PLEKHH3: variants seen among roughly 807,000 people sequenced by gnomAD.
PLEKHH3 encodes the protein pleckstrin homology domain-containing family H member 3.
PLEKHH3 carries 57 observed loss-of-function variants against 77.8 expected under a neutral mutation model. The ratio of observed to expected loss-of-function variants is 0.73; its 90% confidence interval spans 0.59 to 0.91. The LOEUF (loss-of-function observed/expected upper bound fraction) is 0.91. Ranked by LOEUF, PLEKHH3 falls within the 40% of genes least tolerant of loss-of-function variation. The pLI is 0.00. For synonymous variants in PLEKHH3, 467 were observed against 504.8 expected, an observed-to-expected ratio of 0.93 and a Z score of 1.00; for missense variants, 1,082 against 1,091.2, an observed-to-expected ratio of 0.99 and a Z score of 0.12.
intron 6 of PLEKHH3, 147 bp downstream of exon 6, chr17:42,673,029 G>T: frequency 8.5e-7 from 1 of 1,181,348 alleles, no homozygotes; most frequent in Non-Finnish European, 1.1e-6. Flanking sequence ...ACCCTGGCCA[G>T]CTTCCAGTTT....
intron 12 of PLEKHH3, 159 bp from the exon 13 acceptor site, chr17:42,668,462 CTTTT>C: frequency 1.7e-6 from 1 of 587,936 alleles, no homozygotes; most frequent in South Asian, 3.8e-5. Flanking sequence ...TCCTTCATTT[CTTTT>C]TTGTTTTTTG....
rs771700808 is a variant in PLEKHH3 at position 42,668,218 on chromosome 17, T to TG, written c.2290dup (p.Gln764ProfsTer53). ...GGGAGGGGAGGTGTCTGGCAGGTCTTGGCATGGAGGAGAAGAGCTGCTGCA... is the reference window on the plus strand; with the variant it reads ...GGGAGGGGAGGTGTCTGGCAGGTCTTGGGCATGGAGGAGAAGAGCTGCTGCA... On this transcript the variant is annotated frameshift_variant, in exon 13 of 13. Transcript: ENST00000591022. LOFTEE classifies it high-confidence loss of function. 25 of 1,557,738 alleles carry TG rather than the reference T, an allele frequency of 1.6e-5. No individual in the cohort carries two copies. The highest frequency in any genetic ancestry group is 1.7e-5 in the Non-Finnish European group (20 of 1,158,608).
intron 1 of PLEKHH3, among the ~76,000 whole-genome samples, chr17:42,675,349 C>G (rs2052799296): frequency 6.6e-6 from 1 of 152,110 alleles, no homozygotes; most frequent in South Asian, 2.1e-4. Context: ...CCGACCCTGC[C>G]CAAGCTGGAA....
In PLEKHH3 at chr17:42,676,119, A is replaced by C. The variant is rs905949435; in HGVS notation, c.162+283T>G. On this transcript the variant is annotated intron_variant, in intron 1 of 12. Transcript: ENST00000591022. The surrounding 1 kb of genome is among the most constrained non-coding windows in gnomAD (Gnocchi z 6.6). Reference sequence around the variant, plus strand: ...GGGATGGGACGCGGGCCCAGCGGGGAAGGGAGAGGCAGGGCCAGGTCGGGC... The same window carrying C: ...GGGATGGGACGCGGGCCCAGCGGGGCAGGGAGAGGCAGGGCCAGGTCGGGC... 2.4e-6 allele frequency: 3 copies of C among 1,262,846 alleles called. No homozygotes were observed. The highest frequency in any genetic ancestry group is 3.1e-5 in the African/African-American group (2 of 64,202). The allele number at this position is 1,262,846 out of a possible 1,614,324, so 78.2% of individuals were successfully genotyped here.
intron 2 of PLEKHH3, 58 bp downstream of exon 2, chr17:42,674,295 TG>T (rs2052773464): frequency 8.7e-6 from 13 of 1,499,328 alleles, no homozygotes; most frequent in Non-Finnish European, 1.2e-5. Flanking sequence ...ACAGAGAGGA[TG>T]GGGGTCCCGG....
Position 42,668,151 on chromosome 17 carries a change from G to T in PLEKHH3, c.2358C>A (p.Gly786=). 6.8e-7 allele frequency: 1 copy of T among 1,475,458 alleles called. No individual in the cohort carries two copies. The highest frequency in any genetic ancestry group is 8.9e-7 in the Non-Finnish European group (1 of 1,118,838). 91.4% of individuals were successfully genotyped at this position (1,475,458 alleles called of 1,614,324 possible). A position where few individuals can be genotyped will look rare whatever the true frequency, so the allele number is the denominator to read the frequency against. The change falls in exon 13 of 13, where the codon GGC becomes GGA. Residue 786 remains glycine (G), a synonymous_variant. Coordinates refer to ENST00000591022, the MANE Select transcript of PLEKHH3 (RefSeq NM_024927.5). ...PGLDEPQGQS[G]CLGQLQD ...CTCAGTCCTGCAGCTGCCCCAAGCA[G>T]CCAGACTGTCCCTGGGGCTCGTCCA...
In PLEKHH3 at chr17:42,668,237, T is replaced by A; in HGVS notation, c.2272A>T (p.Ser758Cys). Residue 758 changes from serine to cysteine, a missense_variant, in exon 13 of 13, where the codon AGC (serine) becomes TGC (cysteine). This residue lies in a region of PLEKHH3 where 733 missense variants were observed against 750.0 expected (regional missense o/e 0.98). Transcript: ENST00000591022. ...ANPSPERPCS[S>C]SSPPCQDLPD... ...AGGTCTTGGCATGGAGGAGAAGAGC[T>A]GCTGCAGGGCCTCTCGGGGGAGGGG... 6.4e-7 allele frequency: 1 copy of A among 1,557,428 alleles called. No homozygotes were observed. Among genetic ancestry groups the A allele is most frequent in the Non-Finnish European group, 8.6e-7 (1 of 1,158,094 alleles).
Position 42,671,075 on chromosome 17 carries a change from G to A in PLEKHH3, c.1340C>T (p.Ala447Val), listed in dbSNP as rs751695308. ...CTGGGCCCCTCGCTGCTCGTACAGC[G>A]CGAATGCGTTGCGGCTCCGGGCCAA... ...LGLARSRNAFALYEQRGAQER... is the reference protein window; with the variant it reads ...LGLARSRNAFVLYEQRGAQER... The change falls in exon 9 of 13, where the codon GCG becomes GTG. Residue 447 changes from alanine (A) to valine (V), a missense_variant. Coordinates refer to ENST00000591022, the MANE Select transcript of PLEKHH3 (RefSeq NM_024927.5). The surrounding 1 kb of genome is among the most constrained non-coding windows in gnomAD (Gnocchi z 4.7). 5.6e-6 allele frequency: 9 copies of A among 1,606,986 alleles called. No homozygotes were observed. Among genetic ancestry groups the A allele is most frequent in the African/African-American group, 1.3e-5 (1 of 74,710 alleles).
In PLEKHH3 at chr17:42,671,708, G is replaced by A. The variant is rs959889658; in HGVS notation, c.1077-150C>T. ...GAAGGCTCTTCTAAATCTCTCCCCA[G>A]TGCTTTGCATAGAGCTGAATTACTT... On this transcript the variant is annotated intron_variant, in intron 7 of 12. Transcript: ENST00000591022. This position sits in a 1 kb window ranked among gnomAD's most constrained non-coding sequence, Gnocchi z 4.7. 3 of 893,220 alleles carry A rather than the reference G, an allele frequency of 3.4e-6. No homozygotes were observed. Among genetic ancestry groups the A allele is most frequent in the African/African-American group, 1.7e-5 (1 of 59,260 alleles). 55.3% of individuals were successfully genotyped at this position (893,220 alleles called of 1,614,324 possible). A position where few individuals can be genotyped will look rare whatever the true frequency, so the allele number is the denominator to read the frequency against.
chr17:42,673,958 C>T lies in PLEKHH3; in HGVS notation c.274G>A (p.Asp92Asn), dbSNP rs761219992. The change falls in exon 3 of 13, where the codon GAC becomes AAC. Residue 92 changes from aspartate to asparagine, a missense_variant. By Grantham distance (23) the Asp-to-Asn change is conservative. Around this residue, in one of 3 missense-constraint regions of PLEKHH3, gnomAD observed 344 missense variants for 320.8 expected, o/e 1.07. Coordinates refer to ENST00000591022, the MANE Select transcript of PLEKHH3 (RefSeq NM_024927.5). The stretch of plus-strand genomic sequence containing the variant: ...CCTTTCACAACGATGTCCGGGTCGT[C>T]CTCCGGCAGCCCTTTCTCCGGGATG... ...SLIPEKGLPE[D>N]DPDIVVKGWL... 33 of 1,613,420 alleles carry T rather than the reference C, an allele frequency of 2.0e-5. No homozygotes were observed. The Admixed American group carries it at 5.3e-4, about 26-fold the overall frequency.
At position 42,670,339 on chromosome 17, in the gene PLEKHH3, G is replaced by C; in HGVS notation, c.1592C>G (p.Pro531Arg). The C allele has an allele frequency of 7.1e-7, 1 of 1,402,536 alleles. No individual in the cohort carries two copies. The highest frequency in any genetic ancestry group is 9.2e-7 in the Non-Finnish European group (1 of 1,086,742). 86.9% of individuals were successfully genotyped at this position (1,402,536 alleles called of 1,614,324 possible). A position where few individuals can be genotyped will look rare whatever the true frequency, so the allele number is the denominator to read the frequency against. Residue 531 changes from proline to arginine, a missense_variant, in exon 11 of 13, where the codon CCC becomes CGC. Transcript: ENST00000591022. Reference protein sequence around the residue: ...ALLLRGRPPPPDDTLRALAAL... With the variant: ...ALLLRGRPPPRDDTLRALAAL... ...CGCCAGGGCGCGCAGCGTGTCGTCGGGTGGGGGCGGCCGGCCCCGCAGCAG... is the reference window on the plus strand; with the variant it reads ...CGCCAGGGCGCGCAGCGTGTCGTCGCGTGGGGGCGGCCGGCCCCGCAGCAG...
rs1383457470 is a variant in PLEKHH3 at position 42,674,408 on chromosome 17, C to A, written c.164G>T (p.Gly55Val). Residue 55 changes from glycine (G) to valine (V), a missense_variant and splice_region_variant, in exon 2 of 13, where the codon GGT (glycine) becomes GTT (valine). Transcript: ENST00000591022. ...CTGAGTCAGCGTCACTTCCAGGGGACCCTGGGGAGACAGGCGGGGAAGCCC... is the reference window on the plus strand; with the variant it reads ...CTGAGTCAGCGTCACTTCCAGGGGAACCTGGGGAGACAGGCGGGGAAGCCC... ...RTPSPAGGGR[G>V]PLEVTLTQPV... 4 of 1,589,180 alleles carry A rather than the reference C, an allele frequency of 2.5e-6. No individual in the cohort carries two copies. Among genetic ancestry groups the A allele is most frequent in the Admixed American group, 1.8e-5 (1 of 54,560 alleles).
In PLEKHH3 at chr17:42,670,533, TG is replaced by T. The variant is rs762274679; in HGVS notation, c.1554+39del. ...GCCTAGAAAACCAGGGGTTCAGGCT[TG>T]GGGGTCTGTTTGGAGGCGTGAACGC... On this transcript the variant is annotated intron_variant, in intron 10 of 12. Coordinates refer to ENST00000591022, the MANE Select transcript of PLEKHH3 (RefSeq NM_024927.5). 1.9e-6 allele frequency: 3 copies of T among 1,583,414 alleles called. No individual in the cohort carries two copies. In the East Asian group the frequency reaches 6.8e-5, roughly 36 times the overall value.
At position 42,676,182 on chromosome 17, in the gene PLEKHH3, G is replaced by A. The variant is rs1279867796; in HGVS notation, c.162+220C>T. 1 of 1,383,646 alleles carries A rather than the reference G, an allele frequency of 7.2e-7. No homozygotes were observed. The highest frequency in any genetic ancestry group is 9.4e-7 in the Non-Finnish European group (1 of 1,064,560). The allele number at this position is 1,383,646 out of a possible 1,614,324, so 85.7% of individuals were successfully genotyped here. On this transcript the variant is annotated intron_variant, in intron 1 of 12. Transcript: ENST00000591022. This position sits in a 1 kb window ranked among gnomAD's most constrained non-coding sequence, Gnocchi z 6.6. Reference sequence around the variant, plus strand: ...CTCCCCTGCCTCAGGGCCCCCAGCAGGTGGATAGCGCCCAGCCTGCAGCGG... The same window carrying A: ...CTCCCCTGCCTCAGGGCCCCCAGCAAGTGGATAGCGCCCAGCCTGCAGCGG...
Position 42,671,974 on chromosome 17 carries a change from T to C in PLEKHH3, c.1076+112A>G. 1 of 878,368 alleles carries C rather than the reference T, an allele frequency of 1.1e-6. No individual in the cohort carries two copies. The highest frequency in any genetic ancestry group is 1.9e-5 in the South Asian group (1 of 52,400). 54.4% of individuals were successfully genotyped at this position (878,368 alleles called of 1,614,324 possible). A position where few individuals can be genotyped will look rare whatever the true frequency, so the allele number is the denominator to read the frequency against. On this transcript the variant is annotated intron_variant, in intron 7 of 12. Coordinates refer to ENST00000591022, the MANE Select transcript of PLEKHH3 (RefSeq NM_024927.5). The surrounding 1 kb of genome is among the most constrained non-coding windows in gnomAD (Gnocchi z 4.7). ...GATCTTGTATCTCCCACAAAGGCAC[T>C]GTATGTATTACTCGGTTCTTTACCT...
Position 42,670,205 on chromosome 17 carries a change from G to A in PLEKHH3, c.1726C>T (p.Pro576Ser). Reference protein sequence around the residue: ...PAPPREDPPRPTPRPPPSAAL... With the variant: ...PAPPREDPPRSTPRPPPSAAL... ...GCGGAAGGGGGCGGCCTGGGGGTCGGGCGGGGCGGGTCTTCGCGCGGCGGG... is the reference window on the plus strand; with the variant it reads ...GCGGAAGGGGGCGGCCTGGGGGTCGAGCGGGGCGGGTCTTCGCGCGGCGGG... Residue 576 changes from proline to serine, a missense_variant, in exon 11 of 13, where the codon CCG (proline) becomes TCG (serine). Physicochemically the swap from Pro to Ser is moderately conservative, Grantham distance 74. Transcript: ENST00000591022. The A allele has an allele frequency of 8.3e-7, 1 of 1,212,114 alleles. No individual in the cohort carries two copies. The highest frequency in any genetic ancestry group is 3.2e-4 in the Middle Eastern group (1 of 3,078). 75.1% of individuals were successfully genotyped at this position (1,212,114 alleles called of 1,614,324 possible). A position where few individuals can be genotyped will look rare whatever the true frequency, so the allele number is the denominator to read the frequency against.
Position 42,671,091 on chromosome 17 carries a change from T to A in PLEKHH3, c.1324A>T (p.Ser442Cys), listed in dbSNP as rs544964132. Residue 442 changes from serine to cysteine, a missense_variant, in exon 9 of 13, where the codon AGC becomes TGC. Coordinates refer to ENST00000591022, the MANE Select transcript of PLEKHH3 (RefSeq NM_024927.5). This position sits in a 1 kb window ranked among gnomAD's most constrained non-coding sequence, Gnocchi z 4.7. ...TCGTACAGCGCGAATGCGTTGCGGC[T>A]CCGGGCCAAGCCCAGCCGCCCCACC... is the stretch of plus-strand genomic sequence containing the variant. Reference protein sequence around the residue: ...ELVGRLGLARSRNAFALYEQR... With the variant: ...ELVGRLGLARCRNAFALYEQR... 6 of 1,603,024 alleles carry A rather than the reference T, an allele frequency of 3.7e-6. No individual in the cohort carries two copies. The East Asian group carries it at 6.7e-5, about 18-fold the overall frequency.
At chr17:42,668,462 C>T in intron 12 of PLEKHH3, 159 bp from the exon 13 acceptor site, 1 of 587,936 alleles carries the variant, frequency 1.7e-6, no homozygotes, top group Non-Finnish European at 2.6e-6. Context: ...TCCTTCATTT[C>T]TTTTTTGTTT....
Position 42,673,406 on chromosome 17 carries a change from T to C in PLEKHH3, c.641A>G (p.Asp214Gly), listed in dbSNP as rs760916088. The C allele has an allele frequency of 6.2e-7, 1 of 1,613,478 alleles. No homozygotes were observed. The highest frequency in any genetic ancestry group is 8.5e-7 in the Non-Finnish European group (1 of 1,179,894). The change falls in exon 5 of 13, where the codon GAC becomes GGC. Residue 214 changes from aspartate (D) to glycine (G), a missense_variant. Transcript: ENST00000591022. ...LETPTQLLLRDIQESCGDPEA... is the reference protein window; with the variant it reads ...LETPTQLLLRGIQESCGDPEA... ...GCTCTCCCTGGTGTGTACCTGTATG[T>C]CCCTGAGCAGTAGCTGGGTGGGGGT... is the stretch of plus-strand genomic sequence containing the variant.
Sources: gnomAD v4.1 joint callset for allele counts (sites outside exome capture counted in the v4.1 genomes callset) on GRCh38, gnomAD v4.1.1 for gene constraint, gnomAD v4.1.1 regional missense constraint, Gnocchi (gnomAD v3.1) non-coding constraint, MANE v1.5 for transcripts, NCBI Gene and HGNC (gene_info 2026-07-23, HGNC 2026-07-21) for gene names.